Variants in IL1R1 observed in about 807,000 individuals in gnomAD.
The protein encoded by IL1R1 is interleukin 1 receptor type 1.
IL1R1 carries 22 observed loss-of-function variants against 50.2 expected under a neutral mutation model. The ratio of observed to expected loss-of-function variants is 0.44; its 90% confidence interval spans 0.31 to 0.63. The LOEUF is 0.63. IL1R1 is among the 20% of genes least tolerant of loss of function. The pLI is 0.07. For missense variants in IL1R1, 509 were observed against 676.2 expected (o/e 0.75, Z 2.74); for synonymous variants, 251 against 236.7 (o/e 1.06, Z -0.55).
Position 102,164,907 on chromosome 2 carries a change from T to A in IL1R1, c.195T>A (p.Pro65=). Residue 65 remains proline, a synonymous_variant, in exon 4 of 12, where the codon CCT becomes CCA. Transcript: ENST00000410023. ...ITWYKDDSKT[P]VSTEQASRIH... ...GGTATAAAGATGACAGCAAGACACC[T>A]GTATCTACAGAACAAGCCTCCAGGA... 1.2e-6 allele frequency: 2 copies of A among 1,614,136 alleles called. No individual in the cohort carries two copies. The highest frequency in any genetic ancestry group is 1.7e-6 in the Non-Finnish European group (2 of 1,179,978).
chr2:102,149,203 G>T (rs958693938), intron 1 of IL1R1, among the ~76,000 whole-genome samples: 1 of 152,198 alleles, frequency 6.6e-6, no homozygotes, highest in African/African-American at 2.4e-5. Context: ...CATTACATCA[G>T]ATCTACACAT....
At chr2:102,127,575 A>G (rs1189397832) in intron 1 of IL1R1, among the ~76,000 whole-genome samples, 1 of 152,110 alleles carries the variant, frequency 6.6e-6, no homozygotes, top group Non-Finnish European at 1.5e-5. Context: ...ACAAGAAGTA[A>G]TATATATAGT....
Position 102,157,708 on chromosome 2 carries a change from C to T in IL1R1, c.-6-11C>T, listed in dbSNP as rs781088100. On this transcript the variant is annotated splice_polypyrimidine_tract_variant and intron_variant, in intron 2 of 11. Transcript: ENST00000410023. ...TGCTTTTGTCTTTCTTTCGTTCCTC[C>T]ATTTCTCCAGAAGAATATGAAAGTG... 1 of 1,572,210 alleles carries T rather than the reference C, an allele frequency of 6.4e-7. No individual in the cohort carries two copies. The highest frequency in any genetic ancestry group is 1.1e-5 in the South Asian group (1 of 89,504).
chr2:102,093,726 C>T (rs925711054), intron 1 of IL1R1, among the ~76,000 whole-genome samples: 1 of 152,152 alleles, frequency 6.6e-6, no homozygotes, highest in Non-Finnish European at 1.5e-5. Context: ...GAGTTCTTTA[C>T]ATATTCTGGA....
chr2:102,138,896 G>A (rs553462211), upstream of IL1R1, among the ~76,000 whole-genome samples: 1 of 152,236 alleles, frequency 6.6e-6, no homozygotes, highest in African/African-American at 2.4e-5. Flanking sequence ...TACAATTGAA[G>A]CCAACTAGAC....
chr2:102,113,327 TA>T (rs1161135054), intron 1 of IL1R1, among the ~76,000 whole-genome samples: 13 of 152,376 alleles, frequency 8.5e-5, no homozygotes, highest in Middle Eastern at 3.4e-3. Context: ...GAGAAATTAT[TA>T]GCGGTGAATG....
At chr2:102,132,811 A>T (rs915079394) in intron 1 of IL1R1, among the ~76,000 whole-genome samples, 1 of 152,242 alleles carries the variant, frequency 6.6e-6, no homozygotes, top group Non-Finnish European at 1.5e-5. Context: ...AGGGAATACT[A>T]GGAACAAAAT....
At chr2:102,127,271 T>C (rs991960595) in intron 1 of IL1R1, among the ~76,000 whole-genome samples, 6 of 152,120 alleles carry the variant, frequency 3.9e-5, no homozygotes, top group Admixed American at 3.3e-4. Flanking sequence ...CAGTGCATGG[T>C]GAGAGGAGGC....
intron 1 of IL1R1, among the ~76,000 whole-genome samples, chr2:102,075,280 C>T (rs1047882873): frequency 6.6e-6 from 1 of 152,136 alleles, no homozygotes; most frequent in Non-Finnish European, 1.5e-5. Context: ...AATCAGTTTG[C>T]ACAGGAAAAT....
intron 1 of IL1R1, among the ~76,000 whole-genome samples, chr2:102,108,207 A>AGTGTGTGTGTGTGTGTGTATGT (rs147039622): frequency 6.7e-6 from 1 of 148,814 alleles, no homozygotes; most frequent in East Asian, 2.0e-4. Context: ...AAACTTGGGA[A>AGTGTGTGTGTGTGTGTGTATGT]GTGTGTGTGT....
intron 1 of IL1R1, among the ~76,000 whole-genome samples, chr2:102,106,562 T>A (rs768397835): frequency 6.6e-6 from 1 of 152,068 alleles, no homozygotes; most frequent in East Asian, 1.9e-4. Flanking sequence ...CTTGGAACAT[T>A]TACACAAACA....
chr2:102,111,734 G>T lies in IL1R1; in HGVS notation c.-84+6862G>T, dbSNP rs147081288. 5.9e-5 allele frequency among the ~76,000 whole-genome samples: 9 copies of T among 152,276 alleles called. No homozygotes were observed. The East Asian group carries it at 1.5e-3, about 26-fold the overall frequency. ...ACCTCTAGGTTCTGGACCAGAACAC[G>T]GGTAACTCTGCCCCAGGGGCCTGCT... On this transcript the variant is annotated intron_variant, in intron 1 of 10. Coordinates refer to the IL1R1 transcript ENST00000409329.
intron 1 of IL1R1, among the ~76,000 whole-genome samples, chr2:102,083,312 C>T (rs1488266513): frequency 3.3e-5 from 5 of 152,184 alleles, no homozygotes; most frequent in Admixed American, 6.5e-5. Context: ...ATGACTCGTA[C>T]TGACAGTGTC....
chr2:102,149,620 T>C (rs192963374), intron 1 of IL1R1, among the ~76,000 whole-genome samples: 34 of 152,138 alleles, frequency 2.2e-4, no homozygotes, highest in African/African-American at 7.2e-4. Flanking sequence ...CTGAATTCCC[T>C]CCCCAAACAC....
chr2:102,108,068 G>A (rs1234768367), intron 1 of IL1R1, among the ~76,000 whole-genome samples: 1 of 152,030 alleles, frequency 6.6e-6, no homozygotes, highest in Non-Finnish European at 1.5e-5. Context: ...TTTGAATAGA[G>A]GAAAAGCAAA....
At chr2:102,114,671 C>A (rs1289731440) in intron 1 of IL1R1, among the ~76,000 whole-genome samples, 2 of 152,218 alleles carry the variant, frequency 1.3e-5, no homozygotes, top group Non-Finnish European at 2.9e-5. Context: ...CAACCTCAAA[C>A]TCTGGGATTT....
At chr2:102,105,010 G>A (rs532719164) in intron 1 of IL1R1, 3 of 152,100 alleles carry the variant, frequency 2.0e-5, no homozygotes, top group Non-Finnish European at 2.9e-5. Context: ...ATTGTTTGTC[G>A]AAACAACATT....
In IL1R1 at chr2:102,148,945, AAAACAAAC is replaced by A. The variant is rs35503646; in HGVS notation, c.-83-4967_-83-4960del. On this transcript the variant is annotated intron_variant, in intron 1 of 11. Transcript: ENST00000410023. ...GGGTAACAGAGCAAGACTCTGTCTC[AAAACAAAC>A]AAACAAACAAACAAACAAACAAACA... 7.7e-3 allele frequency among the ~76,000 whole-genome samples: 1,159 copies of A among 150,704 alleles called. 13 individuals are homozygous for A. Among genetic ancestry groups the A allele is most frequent in the African/African-American group, 0.026 (1,047 of 40,704 alleles).
upstream of IL1R1, among the ~76,000 whole-genome samples, chr2:102,139,067 A>G (rs1164542687): frequency 1.3e-5 from 2 of 152,090 alleles, no homozygotes; most frequent in South Asian, 2.1e-4. Flanking sequence ...TGAAGGATCA[A>G]TGGAGTTCTT....
Sources: gnomAD v4.1 joint callset for allele counts (sites outside exome capture counted in the v4.1 genomes callset) on GRCh38, gnomAD v4.1.1 for gene constraint, MANE v1.5 for transcripts, NCBI Gene and HGNC (gene_info 2026-07-23, HGNC 2026-07-21) for gene names.